The following VTA1 variants were observed in gnomAD, a reference collection of about 807,000 sequenced individuals.
VTA1 encodes the protein vesicle trafficking 1.
VTA1 carries 24 observed loss-of-function variants against 36.9 expected under a neutral mutation model. The observed-to-expected ratio is 0.65, with a 90% confidence interval of 0.47 to 0.91. The LOEUF (loss-of-function observed/expected upper bound fraction) is 0.91, where lower values mean the gene tolerates loss of function less well. VTA1 is among the 40% of genes least tolerant of loss of function. VTA1 has a pLI of 0.00. For synonymous variants in VTA1, 142 were observed against 130.2 expected, an observed-to-expected ratio of 1.09 and a Z score of -0.62; for missense variants, 393 against 377.2, an observed-to-expected ratio of 1.04 and a Z score of -0.35.
intron 5 of VTA1, among the ~76,000 whole-genome samples, chr6:142,196,743 A>G (rs1775558718): frequency 6.6e-6 from 1 of 151,054 alleles, no homozygotes; most frequent in African/African-American, 2.4e-5. Context: ...TTTTTTTCAC[A>G]TTTTCCTTTT....
At chr6:142,154,627 C>T (rs772120520) in intron 1 of VTA1, among the ~76,000 whole-genome samples, 27 of 152,034 alleles carry the variant, frequency 1.8e-4, no homozygotes, top group Non-Finnish European at 3.4e-4. Flanking sequence ...TCATTCTCAC[C>T]AGCATTTTGT....
intron 4 of VTA1, among the ~76,000 whole-genome samples, chr6:142,183,490 A>G (rs76287179): frequency 6.6e-6 from 1 of 152,208 alleles, no homozygotes; most frequent in Non-Finnish European, 1.5e-5. Context: ...TAAAAATTAA[A>G]TGAAAATTCA....
chr6:142,196,080 C>G (rs909083094), intron 5 of VTA1, among the ~76,000 whole-genome samples: 1 of 152,018 alleles, frequency 6.6e-6, no homozygotes, highest in South Asian at 2.1e-4. Flanking sequence ...CATTTTGAGA[C>G]TCTGTTATTA....
intron 1 of VTA1, 77 bp from the exon 2 acceptor site, chr6:142,166,151 G>T: frequency 9.2e-6 from 8 of 865,808 alleles, no homozygotes; most frequent in South Asian, 5.2e-5. Flanking sequence ...TTATTTATTA[G>T]CAATTATATT....
intron 1 of VTA1, among the ~76,000 whole-genome samples, chr6:142,157,332 T>C (rs1778680303): frequency 6.6e-6 from 1 of 152,236 alleles, no homozygotes; most frequent in African/African-American, 2.4e-5. Context: ...TATAGTCTTA[T>C]TGCTTGATTA....
chr6:142,149,912 T>A (rs966204798), intron 1 of VTA1, among the ~76,000 whole-genome samples: 17 of 152,210 alleles, frequency 1.1e-4, no homozygotes, highest in African/African-American at 4.1e-4. Context: ...AGACATGTTT[T>A]GCACTTCTCC....
At chr6:142,206,709 C>T (rs1775798201) in intron 7 of VTA1, among the ~76,000 whole-genome samples, 1 of 152,092 alleles carries the variant, frequency 6.6e-6, no homozygotes, top group Non-Finnish European at 1.5e-5. Context: ...TACAAATCTG[C>T]AGTAATCTAG....
At chr6:142,184,267 A>G (rs1255495048) in intron 4 of VTA1, among the ~76,000 whole-genome samples, 5 of 152,220 alleles carry the variant, frequency 3.3e-5, no homozygotes, top group African/African-American at 1.2e-4. Flanking sequence ...TTACCAAGAT[A>G]GACCTGAATG....
intron 6 of VTA1, among the ~76,000 whole-genome samples, chr6:142,199,138 A>AT (rs371898213): frequency 0.38 from 56,805 of 148,358 alleles, 12,677 homozygotes; most frequent in Middle Eastern, 0.53. Flanking sequence ...AGGGATTCGG[A>AT]TTTTTTTTTT....
At chr6:142,193,452 C>A (rs1004166599) in intron 5 of VTA1, among the ~76,000 whole-genome samples, 2 of 151,888 alleles carry the variant, frequency 1.3e-5, no homozygotes, top group Non-Finnish European at 2.9e-5. Flanking sequence ...AACTTCACCC[C>A]CTGGGTTTAG....
At chr6:142,170,900 A>G (rs940391257) in intron 4 of VTA1, among the ~76,000 whole-genome samples, 2 of 152,168 alleles carry the variant, frequency 1.3e-5, no homozygotes, top group African/African-American at 4.8e-5. Context: ...TGCTGGAATT[A>G]CAGGTGTGAA....
chr6:142,193,939 G>C (rs1019037109), intron 5 of VTA1, among the ~76,000 whole-genome samples: 4 of 151,982 alleles, frequency 2.6e-5, no homozygotes, highest in African/African-American at 9.7e-5. Flanking sequence ...TTATATTGAT[G>C]ACATTATGCT....
At chr6:142,207,332 A>G (rs1046246756) in intron 7 of VTA1, among the ~76,000 whole-genome samples, 1 of 152,192 alleles carries the variant, frequency 6.6e-6, no homozygotes, top group African/African-American at 2.4e-5. Context: ...CACAGGTAGC[A>G]TCATGACTGC....
chr6:142,165,894 T>C (rs777130837), intron 1 of VTA1, among the ~76,000 whole-genome samples: 2 of 152,124 alleles, frequency 1.3e-5, no homozygotes, highest in Admixed American at 1.3e-4. Context: ...TGGCAGGTGC[T>C]CTTGTACATA....
At chr6:142,166,102 G>T in intron 1 of VTA1, 126 bp from the exon 2 acceptor site, 4 of 584,444 alleles carry the variant, frequency 6.8e-6, no homozygotes, top group South Asian at 8.5e-5. Flanking sequence ...AACTTCCATA[G>T]TAAATCAGTT....
chr6:142,152,392 CAG>C (rs2114627797), intron 1 of VTA1, among the ~76,000 whole-genome samples: 1 of 151,810 alleles, frequency 6.6e-6, no homozygotes, highest in Non-Finnish European at 1.5e-5. Context: ...GCCTGTAACT[CAG>C]AAATAATTTA....
At chr6:142,175,897 C>T (rs1562260830) in intron 4 of VTA1, among the ~76,000 whole-genome samples, 1 of 151,430 alleles carries the variant, frequency 6.6e-6, no homozygotes, top group Non-Finnish European at 1.5e-5. Context: ...TATTCTATTT[C>T]TCAGTTATCT....
rs991020629 is a variant in VTA1 at position 142,222,494 on chromosome 6, A to G, written c.*3851A>G. 4.6e-5 allele frequency: 7 copies of G among 152,216 alleles called. No homozygotes were observed. The highest frequency in any genetic ancestry group is 1.7e-4 in the African/African-American group (7 of 41,458). The allele number at this position is 152,216 out of a possible 1,614,324, so 9.4% of individuals were successfully genotyped here. A position where few individuals can be genotyped will look rare whatever the true frequency, so the allele number is the denominator to read the frequency against. On this transcript the variant is annotated 3_prime_UTR_variant, in exon 8 of 8. Coordinates refer to ENST00000367630, the MANE Select transcript of VTA1 (RefSeq NM_016485.5). ...GGGTCTTGAAAATTAATATCCTCAGATGTTTTTAGAATTTATATATGACTT... is the reference window on the plus strand; with the variant it reads ...GGGTCTTGAAAATTAATATCCTCAGGTGTTTTTAGAATTTATATATGACTT...
At chr6:142,210,510 A>AATATTTGC (rs1019439554) in intron 7 of VTA1, among the ~76,000 whole-genome samples, 30 of 152,346 alleles carry the variant, frequency 2.0e-4, no homozygotes, top group African/African-American at 6.7e-4. Flanking sequence ...AATGGGAGAA[A>AATATTTGC]ATATTTGCAA....
Sources: gnomAD v4.1 joint callset for allele counts (sites outside exome capture counted in the v4.1 genomes callset) on GRCh38, gnomAD v4.1.1 for gene constraint, MANE v1.5 for transcripts, NCBI Gene and HGNC (gene_info 2026-07-23, HGNC 2026-07-21) for gene names.